The following CEP63 variants were observed in gnomAD, a reference collection of about 807,000 sequenced individuals.
CEP63 encodes the protein centrosomal protein of 63 kDa.
A neutral mutation model predicts 89.1 loss-of-function variants in CEP63; 84 were observed. That is an observed-to-expected ratio of 0.94 (90% CI 0.79 to 1.13). CEP63 has a LOEUF of 1.13. CEP63 is among the 50% of genes most tolerant of loss of function. The probability of loss-of-function intolerance (pLI) is 0.00; values close to 1 mark genes in which losing one functional copy is unlikely to be tolerated. For missense variants in CEP63, 838 were observed against 813.3 expected (o/e 1.03, Z -0.37); for synonymous variants, 267 against 272.5 (o/e 0.98, Z 0.20).
At chr3:134,557,675 G>T (rs145935090) in intron 12 of CEP63, among the ~76,000 whole-genome samples, 14 of 152,148 alleles carry the variant, frequency 9.2e-5, no homozygotes, top group African/African-American at 3.1e-4. Flanking sequence ...AAGTGTTTAA[G>T]ATTAGAGATT....
At chr3:134,602,636 G>A in the CEP63 span, among the ~76,000 whole-genome samples, 1 of 152,140 alleles carries the variant, frequency 6.6e-6, no homozygotes, top group African/African-American at 2.4e-5. Flanking sequence ...CTATCCACAA[G>A]ACTCCCCAAG....
the CEP63 span, among the ~76,000 whole-genome samples, chr3:134,618,882 G>A: frequency 2.6e-5 from 4 of 152,230 alleles, no homozygotes; most frequent in South Asian, 2.1e-4. Flanking sequence ...GGGAGAAGGC[G>A]GAAAAAGGGC....
At position 134,550,280 on chromosome 3, in the gene CEP63, T is replaced by G. The variant is rs1304985004; in HGVS notation, c.1380+20T>G. On this transcript the variant is annotated intron_variant, in intron 11 of 14. Coordinates refer to ENST00000675561, the MANE Select transcript of CEP63 (RefSeq NM_001353108.3). ...CATAAGGTGAAGCCTGAACAAAACCTTTTTTAAATTTGAAATTTGTTTTAA... is the reference window on the plus strand; with the variant it reads ...CATAAGGTGAAGCCTGAACAAAACCGTTTTTAAATTTGAAATTTGTTTTAA... The G allele has an allele frequency of 6.2e-7, 1 of 1,606,468 alleles. No homozygotes were observed. Among genetic ancestry groups the G allele is most frequent in the Admixed American group, 1.7e-5 (1 of 59,368 alleles).
chr3:134,489,370 T>G (rs1936863143), intron 1 of CEP63, among the ~76,000 whole-genome samples: 1 of 152,098 alleles, frequency 6.6e-6, no homozygotes, highest in South Asian at 2.1e-4. Flanking sequence ...TTTGGTGGGA[T>G]AGTTGGGGGG....
intron 5 of CEP63, among the ~76,000 whole-genome samples, chr3:134,533,669 G>A (rs573586574): frequency 1.6e-4 from 25 of 152,266 alleles, no homozygotes; most frequent in African/African-American, 5.8e-4. Context: ...TTCCCAGGGT[G>A]CTTTTAGGCT....
At chr3:134,558,422 G>C in intron 13 of CEP63, 75 bp downstream of exon 13, 1 of 1,058,648 alleles carries the variant, frequency 9.4e-7, no homozygotes, top group Non-Finnish European at 1.4e-6. Context: ...AATAATTTTT[G>C]ACTTACAGAA....
chr3:134,528,506 CAT>C (rs1455996880), intron 3 of CEP63, among the ~76,000 whole-genome samples: 2 of 151,742 alleles, frequency 1.3e-5, no homozygotes, highest in Non-Finnish European at 2.9e-5. Context: ...TCTTGTCTAA[CAT>C]GTGATAGAGG....
At chr3:134,646,359 C>T in the CEP63 span, among the ~76,000 whole-genome samples, 1 of 152,078 alleles carries the variant, frequency 6.6e-6, no homozygotes, top group African/African-American at 2.4e-5. Context: ...CTTGAGGACT[C>T]TTACCAAAGG....
At chr3:134,565,299 G>A (rs187357944), downstream of CEP63, among the ~76,000 whole-genome samples, 220 of 152,262 alleles carry the variant, frequency 1.4e-3, no homozygotes, top group African/African-American at 5.0e-3. Context: ...CTCAACAAGT[G>A]TAGAAAAAAT....
the CEP63 span, among the ~76,000 whole-genome samples, chr3:134,775,974 AC>A: frequency 6.6e-6 from 1 of 152,200 alleles, no homozygotes; most frequent in African/African-American, 2.4e-5. Flanking sequence ...AGCTGAAATG[AC>A]AAAAATTGCC....
chr3:134,526,804 A>C (rs1237815342), intron 3 of CEP63, among the ~76,000 whole-genome samples: 1 of 150,838 alleles, frequency 6.6e-6, no homozygotes, highest in Non-Finnish European at 1.5e-5. Flanking sequence ...ATATTTGATG[A>C]CCTTGAGAGT....
chr3:134,608,823 A>G, the CEP63 span: 1 of 1,610,846 alleles, frequency 6.2e-7, no homozygotes, highest in South Asian at 1.1e-5. Flanking sequence ...TGGGTGAGGA[A>G]GTAGAACTCA....
the CEP63 span, among the ~76,000 whole-genome samples, chr3:134,649,828 C>T: frequency 6.6e-6 from 1 of 152,238 alleles, no homozygotes; most frequent in Non-Finnish European, 1.5e-5. Flanking sequence ...TCAATGAGCA[C>T]AGAGGCTCTG....
the CEP63 span, chr3:134,608,068 G>A: frequency 9.2e-7 from 1 of 1,089,708 alleles, no homozygotes. Context: ...TCTGTCTTGG[G>A]TGGGACTGCC....
chr3:134,668,574 A>G, the CEP63 span, among the ~76,000 whole-genome samples: 17 of 152,186 alleles, frequency 1.1e-4, 1 homozygote, highest in Non-Finnish European at 1.5e-5. Flanking sequence ...GACCATCAAG[A>G]CAAGCCAAGA....
At chr3:134,516,138 G>A (rs1946152876) in intron 3 of CEP63, among the ~76,000 whole-genome samples, 1 of 152,164 alleles carries the variant, frequency 6.6e-6, no homozygotes, top group Admixed American at 6.5e-5. Context: ...TCGGAGAGGG[G>A]GATGTGGCAG....
chr3:134,738,614 G>A, the CEP63 span, among the ~76,000 whole-genome samples: 10,548 of 152,028 alleles, frequency 0.069, 558 homozygotes, highest in South Asian at 0.31. Context: ...TTGGGGACTT[G>A]GGGGGACAAA....
the CEP63 span, among the ~76,000 whole-genome samples, chr3:134,665,702 C>CACACACACACACAGAGAGAG: frequency 2.9e-5 from 3 of 102,322 alleles, no homozygotes; most frequent in African/African-American, 1.2e-4. Context: ...CACACACACA[C>CACACACACACACAGAGAGAG]AGAGAGAGAG....
In CEP63 at chr3:134,508,333, A is replaced by G. The variant is rs1943978197; in HGVS notation, c.222+1047A>G. Among the ~76,000 whole-genome samples the G allele has an allele frequency of 2.0e-5, 3 of 152,206 alleles. No homozygotes were observed. In the South Asian group the frequency reaches 6.2e-4, roughly 32 times the overall value. On this transcript the variant is annotated intron_variant, in intron 3 of 14. Coordinates refer to ENST00000675561, the MANE Select transcript of CEP63 (RefSeq NM_001353108.3). ...TGCAATTAATTTAAAATTTGACTAA[A>G]ACTTTGAGAATATATTTTAAAATTA...
Sources: gnomAD v4.1 joint callset for allele counts (sites outside exome capture counted in the v4.1 genomes callset) on GRCh38, gnomAD v4.1.1 for gene constraint, MANE v1.5 for transcripts, NCBI Gene and HGNC (gene_info 2026-07-23, HGNC 2026-07-21) for gene names.